The following BLVRA variants were observed in gnomAD, a reference collection of about 807,000 sequenced individuals.
BLVRA encodes biliverdin reductase A.
BLVRA carries 22 observed loss-of-function variants against 32.8 expected under a neutral mutation model. The observed-to-expected ratio is 0.67, with a 90% CI of 0.48 to 0.96. The LOEUF is 0.96. Among genes scored for constraint, BLVRA ranks in the 40% least tolerant of loss-of-function variants. The pLI, the probability that BLVRA is intolerant of heterozygous loss-of-function variation, is 0.00. For synonymous variants in BLVRA, 119 were observed against 141.3 expected (o/e 0.84, Z 1.12); for missense variants, 323 against 358.1 (o/e 0.90, Z 0.79).
chr7:43,766,180 GGAGGCT>G (rs1245435550), intron 1 of BLVRA, among the ~76,000 whole-genome samples: 2 of 151,772 alleles, frequency 1.3e-5, no homozygotes, highest in East Asian at 3.9e-4. Flanking sequence ...CAGCTACTCA[GGAGGCT>G]GAGGTGGGAG....
At chr7:43,780,986 A>C (rs2095768553) in intron 2 of BLVRA, among the ~76,000 whole-genome samples, 2 of 152,184 alleles carry the variant, frequency 1.3e-5, no homozygotes, top group Non-Finnish European at 2.9e-5. Context: ...ATCTCTACTA[A>C]AAATACAAAA....
chr7:43,782,364 A>C (rs369371386), intron 2 of BLVRA, among the ~76,000 whole-genome samples: 69 of 152,334 alleles, frequency 4.5e-4, no homozygotes, highest in African/African-American at 1.6e-3. Flanking sequence ...CTTTGATCCC[A>C]GGATGTTTGT....
chr7:43,778,822 C>T (rs574855327), intron 2 of BLVRA, among the ~76,000 whole-genome samples: 51 of 152,368 alleles, frequency 3.3e-4, no homozygotes, highest in African/African-American at 1.1e-3. Flanking sequence ...TCGAGCTTCC[C>T]GGCTGCTTTG....
At chr7:43,798,485 A>G (rs1026768303) in intron 5 of BLVRA, among the ~76,000 whole-genome samples, 1 of 152,122 alleles carries the variant, frequency 6.6e-6, no homozygotes, top group African/African-American at 2.4e-5. Context: ...TTGTTTTTCT[A>G]TTCAGTGCTG....
intron 1 of BLVRA, among the ~76,000 whole-genome samples, chr7:43,761,017 C>T (rs1325471740): frequency 6.6e-6 from 1 of 152,180 alleles, no homozygotes; most frequent in Non-Finnish European, 1.5e-5. Context: ...AATCCACCCA[C>T]CATGGCCTCC....
chr7:43,803,616 C>A (rs997986642), intron 6 of BLVRA, 60 bp from the exon 7 acceptor site: 1 of 1,320,880 alleles, frequency 7.6e-7, no homozygotes, highest in Non-Finnish European at 1.1e-6. Context: ...ACCCCCCTGT[C>A]CTGCTTTCCA....
intron 3 of BLVRA, among the ~76,000 whole-genome samples, 179 bp from the exon 4 acceptor site, chr7:43,791,070 G>A (rs1359482024): frequency 6.6e-6 from 1 of 152,218 alleles, no homozygotes; most frequent in Non-Finnish European, 1.5e-5. Flanking sequence ...CCCCTGACTT[G>A]AACTCTGAGG....
chr7:43,783,279 G>A (rs1376182092), intron 2 of BLVRA, among the ~76,000 whole-genome samples: 1 of 152,192 alleles, frequency 6.6e-6, no homozygotes, highest in Non-Finnish European at 1.5e-5. Flanking sequence ...GCAAGAGCAT[G>A]TCGCCAGTTT....
chr7:43,779,528 G>C (rs1396609200), intron 2 of BLVRA, among the ~76,000 whole-genome samples: 1 of 152,160 alleles, frequency 6.6e-6, no homozygotes, highest in Admixed American at 6.5e-5. Flanking sequence ...CTACAGAATG[G>C]AAAACAGCCA....
intron 5 of BLVRA, among the ~76,000 whole-genome samples, chr7:43,795,885 C>T (rs890509993): frequency 5.9e-5 from 9 of 151,950 alleles, no homozygotes; most frequent in African/African-American, 2.2e-4. Flanking sequence ...GAGGACAGAT[C>T]ACAAGGTCAA....
chr7:43,800,717 A>C (rs2095797704), intron 6 of BLVRA, 145 bp downstream of exon 6: 2 of 758,524 alleles, frequency 2.6e-6, no homozygotes, highest in South Asian at 1.5e-5. Flanking sequence ...GATGGGATTT[A>C]ATTCCTTGGT....
chr7:43,799,992 G>C (rs17246023), intron 5 of BLVRA, among the ~76,000 whole-genome samples: 1,658 of 151,902 alleles, frequency 0.011, 33 homozygotes, highest in African/African-American at 0.038. Flanking sequence ...GTCTCACTCT[G>C]TCGCCCAGGC....
chr7:43,803,435 A>G (rs1337422075), intron 6 of BLVRA, among the ~76,000 whole-genome samples: 1 of 152,214 alleles, frequency 6.6e-6, no homozygotes, highest in African/African-American at 2.4e-5. Flanking sequence ...ATGTTTTACT[A>G]AAACTCAATT....
At chr7:43,785,332 CAAA>C (rs57195897) in intron 2 of BLVRA, among the ~76,000 whole-genome samples, 1 of 75,500 alleles carries the variant, frequency 1.3e-5, no homozygotes, top group African/African-American at 4.5e-5. Flanking sequence ...TAGAAATTAC[CAAA>C]AAAAAAAAAA....
At chr7:43,798,868 C>T (rs1466296755) in intron 5 of BLVRA, among the ~76,000 whole-genome samples, 5 of 151,648 alleles carry the variant, frequency 3.3e-5, no homozygotes, top group Non-Finnish European at 7.4e-5. Context: ...AGGAAAACAA[C>T]AAAAGACACA....
At chr7:43,761,745 T>C (rs1212674918) in intron 1 of BLVRA, among the ~76,000 whole-genome samples, 1 of 152,212 alleles carries the variant, frequency 6.6e-6, no homozygotes, top group Non-Finnish European at 1.5e-5. Context: ...TCAGTGAAAG[T>C]GGCATAGTTT....
At chr7:43,802,759 C>T (rs1434918813) in intron 6 of BLVRA, among the ~76,000 whole-genome samples, 2 of 152,116 alleles carry the variant, frequency 1.3e-5, no homozygotes, top group Admixed American at 6.6e-5. Context: ...CCTTGGCCTC[C>T]CGAAGTGCTG....
chr7:43,799,492 ATTTTT>A (rs1041313568), intron 5 of BLVRA, among the ~76,000 whole-genome samples: 6 of 152,036 alleles, frequency 3.9e-5, no homozygotes, highest in Non-Finnish European at 7.4e-5. Context: ...ATTTTATTTT[ATTTTT>A]ATTTTTATTT....
chr7:43,803,682 C>G lies in BLVRA; in HGVS notation c.467C>G (p.Pro156Arg). 1 of 1,613,756 alleles carries G rather than the reference C, an allele frequency of 6.2e-7. No individual in the cohort carries two copies. Among genetic ancestry groups the G allele is most frequent in the Non-Finnish European group, 8.5e-7 (1 of 1,179,828 alleles). Residue 156 changes from proline to arginine, a missense_variant, in exon 7 of 8, where the codon CCG (proline) becomes CGG (arginine). Pro to Arg is a moderately radical substitution (Grantham distance 103). Coordinates refer to ENST00000265523, the MANE Select transcript of BLVRA (RefSeq NM_000712.4). ...LKGSLLFTAG[P>R]LEEERFGFPA... ...CATTTGTGATTTCCCACAGCTGGCC[C>G]GTTGGAAGAAGAGCGGTTTGGCTTC... is the stretch of plus-strand genomic sequence containing the variant.
Sources: gnomAD v4.1 joint callset for allele counts (sites outside exome capture counted in the v4.1 genomes callset) on GRCh38, gnomAD v4.1.1 for gene constraint, MANE v1.5 for transcripts, NCBI Gene and HGNC (gene_info 2026-07-23, HGNC 2026-07-21) for gene names.